The following PRKAR1B variants were observed in gnomAD, a reference collection of about 807,000 sequenced individuals.
PRKAR1B encodes the protein protein kinase cAMP-dependent type I regulatory subunit beta.
In PRKAR1B, 22 loss-of-function variants were observed where a neutral mutation model predicts 46.5. That is an observed-to-expected ratio of 0.47 (90% CI 0.34 to 0.68). The LOEUF (loss-of-function observed/expected upper bound fraction) is 0.68. PRKAR1B is among the 30% of genes least tolerant of loss of function. The pLI, the probability that PRKAR1B is intolerant of heterozygous loss-of-function variation, is 0.01. For missense variants in PRKAR1B, 445 were observed against 535.6 expected (o/e 0.83, Z 1.67); for synonymous variants, 259 against 217.7 (o/e 1.19, Z -1.67).
chr7:643,312 G>A (rs944947907), intron 4 of PRKAR1B, among the ~76,000 whole-genome samples: 3 of 151,614 alleles, frequency 2.0e-5, no homozygotes, highest in Middle Eastern at 3.4e-3. Flanking sequence ...TTAAAACCAT[G>A]AGCTTAGGCA....
rs190692519 is a variant in PRKAR1B at position 687,862 on chromosome 7, G to A, written c.178-7136C>T. The stretch of plus-strand genomic sequence containing the variant: ...TGTAATCCCAGGACTTTGGGAGGCC[G>A]AGGCAGGCGGATCACCTGAGGTCAG... On this transcript the variant is annotated intron_variant, in intron 2 of 10. Coordinates refer to ENST00000537384, the MANE Select transcript of PRKAR1B (RefSeq NM_001164760.2). Among the ~76,000 whole-genome samples, 888 of 150,914 alleles carry A rather than the reference G, an allele frequency of 5.9e-3. 10 individuals carry two copies. The highest frequency in any genetic ancestry group is 0.02 in the African/African-American group (837 of 41,048).
chr7:625,446 A>G (rs150687728), intron 4 of PRKAR1B, among the ~76,000 whole-genome samples: 5,909 of 152,336 alleles, frequency 0.039, 276 homozygotes, highest in African/African-American at 0.11. Context: ...GGAAAATACT[A>G]AAGAAAATCG....
intron 1 of PRKAR1B, among the ~76,000 whole-genome samples, chr7:721,505 G>A (rs1165702898): frequency 2.0e-5 from 3 of 152,084 alleles, no homozygotes; most frequent in Non-Finnish European, 4.4e-5. Context: ...AAAAATACTC[G>A]GGCATGGTGG....
intron 2 of PRKAR1B, among the ~76,000 whole-genome samples, chr7:709,203 G>T (rs1214040253): frequency 2.0e-5 from 3 of 149,264 alleles, no homozygotes; most frequent in Non-Finnish European, 4.4e-5. Flanking sequence ...ACATTATGCA[G>T]TCACTTAAAG....
intron 9 of PRKAR1B, among the ~76,000 whole-genome samples, chr7:575,238 G>A (rs1395803169): frequency 6.6e-6 from 1 of 152,224 alleles, no homozygotes; most frequent in African/African-American, 2.4e-5. Flanking sequence ...ACAGTCATAT[G>A]GCAGCTGTTG....
At chr7:719,908 T>C (rs565940963) in intron 1 of PRKAR1B, among the ~76,000 whole-genome samples, 2 of 152,304 alleles carry the variant, frequency 1.3e-5, no homozygotes, top group Admixed American at 1.3e-4. Context: ...GCATAATCTT[T>C]TAGAGGTTCG....
At chr7:634,004 C>T (rs1328423508) in intron 4 of PRKAR1B, among the ~76,000 whole-genome samples, 1 of 152,072 alleles carries the variant, frequency 6.6e-6, no homozygotes, top group African/African-American at 2.4e-5. Context: ...AATGAGACCC[C>T]ATCTGTACAA....
rs1198386751 is a variant in PRKAR1B, at chr7:666,025, C to T, written c.440+11204G>A. 1.3e-5 allele frequency among the ~76,000 whole-genome samples: 2 copies of T among 152,190 alleles called. No individual in the cohort carries two copies. The highest frequency in any genetic ancestry group is 2.4e-5 in the African/African-American group (1 of 41,454). ...AGGGTGAGGTGCCCTCGCCTGTGCC[C>T]GTCTGGCAGCTCCAGTAATGAGGTC... On this transcript the variant is annotated intron_variant, in intron 4 of 10. Coordinates refer to ENST00000537384, the MANE Select transcript of PRKAR1B (RefSeq NM_001164760.2). This position sits in a 1 kb window ranked among gnomAD's most constrained non-coding sequence, Gnocchi z 4.9.
Position 579,382 on chromosome 7 carries a change from CG to C in PRKAR1B, c.770-6del, listed in dbSNP as rs1409213693. 1.3e-5 allele frequency: 21 copies of C among 1,613,108 alleles called. No individual in the cohort carries two copies. Among genetic ancestry groups the C allele is most frequent in the Non-Finnish European group, 1.7e-5 (20 of 1,180,030 alleles). ...GCTCCCACTTCTCCAGGGACTCTGT[CG>C]GGGGAGGATGAGGACAGGTCATCCC... On this transcript the variant is annotated splice_region_variant and splice_polypyrimidine_tract_variant and intron_variant, in intron 8 of 10. Coordinates refer to ENST00000537384, the MANE Select transcript of PRKAR1B (RefSeq NM_001164760.2).
chr7:628,579 G>A lies in PRKAR1B; in HGVS notation c.441-21127C>T, dbSNP rs1338931498. Among the ~76,000 whole-genome samples the A allele has an allele frequency of 3.9e-5, 6 of 152,204 alleles. No individual in the cohort carries two copies. In the East Asian group the frequency reaches 5.8e-4, roughly 15 times the overall value. On this transcript the variant is annotated intron_variant, in intron 4 of 10. Transcript: ENST00000537384. ...CGGCAGGGGCTCGATGGGACCAGTC[G>A]CTCGCTCAGGCCCAGGAAAACCACA...
At position 584,584 on chromosome 7, in the gene PRKAR1B, T is replaced by G. The variant is rs9330368; in HGVS notation, c.709-16A>C. 0.64 allele frequency: 1,021,690 copies of G among 1,607,578 alleles called. 332,294 individuals are homozygous for G. Among genetic ancestry groups the G allele is most frequent in the South Asian group, 0.85 (77,067 of 90,518 alleles). Reference sequence around the variant, plus strand: ...GCGTGCTGCCCTGTTCGGGAGAAAGTAAAAAACAGACAAGAAGGTGAATCT... The same window carrying G: ...GCGTGCTGCCCTGTTCGGGAGAAAGGAAAAAACAGACAAGAAGGTGAATCT... On this transcript the variant is annotated splice_polypyrimidine_tract_variant and intron_variant, in intron 7 of 10. Coordinates refer to ENST00000537384, the MANE Select transcript of PRKAR1B (RefSeq NM_001164760.2).
chr7:688,890 C>T (rs1179423730), intron 2 of PRKAR1B, among the ~76,000 whole-genome samples: 2 of 152,354 alleles, frequency 1.3e-5, no homozygotes, highest in Admixed American at 1.3e-4. Flanking sequence ...GTGCTTAAAA[C>T]AGCGCCTGCA....
chr7:659,011 A>G (rs748431643), intron 4 of PRKAR1B, among the ~76,000 whole-genome samples: 1 of 152,124 alleles, frequency 6.6e-6, no homozygotes, highest in Non-Finnish European at 1.5e-5. Context: ...AGTCACCAAC[A>G]TGGGTCTCAT....
intron 4 of PRKAR1B, among the ~76,000 whole-genome samples, chr7:637,091 G>A (rs1784152167): frequency 6.6e-6 from 1 of 152,128 alleles, no homozygotes; most frequent in Admixed American, 6.5e-5. Context: ...TTTGAGACCA[G>A]CCTGGGCCAC....
chr7:670,649 C>A (rs1416099855), intron 4 of PRKAR1B, among the ~76,000 whole-genome samples: 10 of 150,190 alleles, frequency 6.7e-5, no homozygotes, highest in African/African-American at 2.5e-4. Flanking sequence ...CTCCCCCACG[C>A]CACAGCATCC....
intron 1 of PRKAR1B, among the ~76,000 whole-genome samples, chr7:718,255 T>TACACAC (rs35563369): frequency 3.0e-4 from 42 of 140,022 alleles, no homozygotes; most frequent in African/African-American, 9.0e-4. Flanking sequence ...GCTTTATAGA[T>TACACAC]ACACACACAC....
In PRKAR1B at chr7:550,518, G is replaced by T. The variant is rs771814846; in HGVS notation, c.1058C>A (p.Pro353His). The change falls in exon 11 of 11, where the codon CCC becomes CAC. Residue 353 changes from proline to histidine, a missense_variant. Physicochemically the swap from Pro to His is moderately conservative, Grantham distance 77 (BLOSUM62 -2). Around this residue, in one of 5 missense-constraint regions of PRKAR1B, gnomAD observed 127 missense variants for 138.0 expected, o/e 0.92. Transcript: ENST00000537384. ...GGGCCCCAGCACACGCTCGAAGCGGGGCCGGTCCAGCTTCACACACTTGAG... is the reference window on the plus strand; with the variant it reads ...GGGCCCCAGCACACGCTCGAAGCGGTGCCGGTCCAGCTTCACACACTTGAG... ...GPLKCVKLDR[P>H]RFERVLGPCS... 1 of 1,604,238 alleles carries T rather than the reference G, an allele frequency of 6.2e-7. No individual in the cohort carries two copies. Among genetic ancestry groups the T allele is most frequent in the Admixed American group, 1.7e-5 (1 of 58,852 alleles).
chr7:628,614 G>A (rs1227060664), intron 4 of PRKAR1B, among the ~76,000 whole-genome samples: 1 of 152,202 alleles, frequency 6.6e-6, no homozygotes, highest in Non-Finnish European at 1.5e-5. Context: ...ACAGCTGGGG[G>A]CTGTCAGGAT....
At chr7:554,318 G>A (rs148646763) in intron 9 of PRKAR1B, among the ~76,000 whole-genome samples, 169 of 152,388 alleles carry the variant, frequency 1.1e-3, no homozygotes, top group African/African-American at 3.9e-3. Context: ...CGCTGTGAGC[G>A]GCGTTATTTG....
Sources: allele counts gnomAD v4.1 joint callset (sites outside exome capture counted in the v4.1 genomes callset), GRCh38; gene constraint gnomAD v4.1.1; regional missense constraint gnomAD v4.1.1; non-coding constraint Gnocchi (gnomAD v3.1); transcripts MANE v1.5; gene names NCBI Gene and HGNC (gene_info 2026-07-23, HGNC 2026-07-21).